The following CLCN4 variants were observed in gnomAD, a reference collection of about 807,000 sequenced individuals.
CLCN4 encodes the protein Cl-/H+ antiporter 4, also known as H(+)/Cl(-) exchange transporter 4.
In CLCN4, 1 loss-of-function variant was observed where a neutral mutation model predicts 41.7. That is an observed-to-expected ratio of 0.02 (90% CI 0.01 to 0.11). The LOEUF (loss-of-function observed/expected upper bound fraction) is 0.11. Among genes scored for constraint, CLCN4 ranks in the 10% least tolerant of loss-of-function variants. The pLI, the probability that CLCN4 is intolerant of heterozygous loss-of-function variation, is 1.00. For synonymous variants in CLCN4, 277 were observed against 285.8 expected, an observed-to-expected ratio of 0.97 and a Z score of 0.31; for missense variants, 287 against 661.0, an observed-to-expected ratio of 0.43 and a Z score of 6.20.
At chrX:10,201,636 A>T (rs1228333689) in intron 6 of CLCN4, among the ~76,000 whole-genome samples, 1 of 112,420 alleles carries the variant, frequency 8.9e-6, no homozygotes, top group African/African-American at 3.2e-5. Flanking sequence ...TTTGGAAAAC[A>T]TGTTTATCAT....
intron 2 of CLCN4, among the ~76,000 whole-genome samples, chrX:10,162,307 C>G (rs1923130999): frequency 9.0e-6 from 1 of 111,480 alleles, no homozygotes; most frequent in South Asian, 3.8e-4. Context: ...GCATGAGCCA[C>G]CACGCCTGGC....
At chrX:10,203,532 G>C (rs1804720523) in intron 6 of CLCN4, among the ~76,000 whole-genome samples, 3 of 111,856 alleles carry the variant, frequency 2.7e-5, no homozygotes, top group African/African-American at 9.8e-5. Flanking sequence ...AATCGCCCAA[G>C]GTGACATGAT....
At chrX:10,226,604 C>A (rs1924995822) in intron 12 of CLCN4, among the ~76,000 whole-genome samples, 1 of 110,767 alleles carries the variant, frequency 9.0e-6, no homozygotes, top group African/African-American at 3.3e-5. Flanking sequence ...ACAAACCCAA[C>A]AAATCCAGGA....
chrX:10,163,117 A>G (rs1923149192), intron 2 of CLCN4, among the ~76,000 whole-genome samples: 1 of 113,718 alleles, frequency 8.8e-6, no homozygotes, highest in Non-Finnish European at 1.9e-5. Flanking sequence ...CCCCCATCAC[A>G]TGGGCCAGAG....
intron 6 of CLCN4, among the ~76,000 whole-genome samples, chrX:10,200,081 C>T (rs995577303): frequency 8.9e-5 from 10 of 111,958 alleles, no homozygotes; most frequent in Admixed American, 4.7e-4. Flanking sequence ...TATATAGAGA[C>T]GAGGTCTCAC....
chrX:10,197,105 A>G (rs1924115262), intron 5 of CLCN4, among the ~76,000 whole-genome samples: 1 of 112,011 alleles, frequency 8.9e-6, no homozygotes. Context: ...TAAGTAATCC[A>G]GATGGTGGCA....
At chrX:10,216,912 T>TACAC (rs1217273260) in intron 11 of CLCN4, among the ~76,000 whole-genome samples, 26 of 19,772 alleles carry the variant, frequency 1.3e-3, no homozygotes, top group African/African-American at 4.7e-3. Flanking sequence ...TATATATATA[T>TACAC]ATATATACAC....
At chrX:10,157,196 T>TCACC in intron 1 of CLCN4, 96 bp downstream of exon 1, 2 of 285,160 alleles carry the variant, frequency 7.0e-6, no homozygotes, top group Non-Finnish European at 1.2e-5. Context: ...GTGTTGAAAA[T>TCACC]AATTGATCGC....
intron 6 of CLCN4, among the ~76,000 whole-genome samples, chrX:10,202,200 G>A (rs1184097490): frequency 1.4e-4 from 15 of 110,831 alleles, no homozygotes; most frequent in Admixed American, 2.9e-4. Context: ...GCGGCAGAGT[G>A]TGGTGGCTCA....
intron 11 of CLCN4, among the ~76,000 whole-genome samples, chrX:10,216,918 T>TACACACACACACACAC (rs1555977626): frequency 1.3e-4 from 5 of 38,931 alleles, no homozygotes; most frequent in African/African-American, 4.4e-4. Flanking sequence ...TATATATATA[T>TACACACACACACACAC]ACACACACAC....
At chrX:10,216,654 T>C (rs1331260214) in intron 11 of CLCN4, among the ~76,000 whole-genome samples, 1 of 108,631 alleles carries the variant, frequency 9.2e-6, no homozygotes, top group African/African-American at 3.3e-5. Context: ...GTTTTTGCCG[T>C]TACTTTCAAT....
chrX:10,180,640 G>A (rs6640616), intron 2 of CLCN4, among the ~76,000 whole-genome samples: 15,412 of 108,799 alleles, frequency 0.14, 1,640 homozygotes, highest in East Asian at 0.83. Context: ...GGTGGTGCAT[G>A]CCTGTAATCC....
Position 10,214,059 on chromosome X carries a change from G to A in CLCN4, c.1955G>A (p.Arg652Lys). Residue 652 changes from arginine (R) to lysine (K), a missense_variant, in exon 11 of 13, where the codon AGG (arginine) becomes AAG (lysine). By Grantham distance (26) the Arg-to-Lys change is conservative (BLOSUM62 2). Transcript: ENST00000380833. ...CGCCTCATTGGATTTGCCCAGAGGAGGGAACTGATTCTCGCAATAAGTGAG... is the reference window on the plus strand; with the variant it reads ...CGCCTCATTGGATTTGCCCAGAGGAAGGAACTGATTCTCGCAATAAGTGAG... ...SERLIGFAQRRELILAIKNAR... is the reference protein window; with the variant it reads ...SERLIGFAQRKELILAIKNAR... The A allele has an allele frequency of 5.1e-6, 6 of 1,176,200 alleles. No individual in the cohort carries two copies. The highest frequency in any genetic ancestry group is 6.8e-6 in the Non-Finnish European group (6 of 878,658).
Position 10,213,986 on chromosome X carries a change from G to C in CLCN4, c.1882G>C (p.Glu628Gln), listed in dbSNP as rs754485057. The change falls in exon 11 of 13, where the codon GAG becomes CAG. Residue 628 changes from glutamate to glutamine, a missense_variant. Coordinates refer to ENST00000380833, the MANE Select transcript of CLCN4 (RefSeq NM_001830.4). ...CGAGGACGTGGAGACGCTCATCAAG[G>C]AGACCGACTACAACGGCTTCCCCGT... is the stretch of plus-strand genomic sequence containing the variant. ...TVEDVETLIK[E>Q]TDYNGFPVVV... 2 of 1,210,123 alleles carry C rather than the reference G, an allele frequency of 1.7e-6. No individual in the cohort carries two copies. Among genetic ancestry groups the C allele is most frequent in the Non-Finnish European group, 2.2e-6 (2 of 894,892 alleles).
intron 2 of CLCN4, among the ~76,000 whole-genome samples, chrX:10,166,671 T>G (rs1265531769): frequency 1.8e-5 from 2 of 112,197 alleles, no homozygotes; most frequent in Non-Finnish European, 3.8e-5. Context: ...GAGGCGGTAC[T>G]TCATACACGG....
At chrX:10,231,301 T>C (rs1166255835) in intron 12 of CLCN4, among the ~76,000 whole-genome samples, 1 of 112,062 alleles carries the variant, frequency 8.9e-6, no homozygotes, top group Non-Finnish European at 1.9e-5. Context: ...CAATTATGAA[T>C]GAAGCAGACG....
At chrX:10,171,490 C>G (rs1923385138) in intron 2 of CLCN4, among the ~76,000 whole-genome samples, 1 of 110,923 alleles carries the variant, frequency 9.0e-6, no homozygotes, top group Non-Finnish European at 1.9e-5. Flanking sequence ...GGAAGTGAGA[C>G]CAGGAAAGGA....
intron 4 of CLCN4, among the ~76,000 whole-genome samples, chrX:10,191,720 T>G (rs1169609578): frequency 2.3e-5 from 2 of 86,138 alleles, no homozygotes; most frequent in Admixed American, 1.3e-4. Context: ...TTTTTTTTTT[T>G]GTAGAGACAG....
rs566304465 is a variant in CLCN4 at position 10,178,169 on chromosome X, G to T, written c.-11-6853G>T. On this transcript the variant is annotated intron_variant, in intron 2 of 12. Coordinates refer to ENST00000380833, the MANE Select transcript of CLCN4 (RefSeq NM_001830.4). The stretch of plus-strand genomic sequence containing the variant: ...GGAAGTGATTGCTAATGGGTAGGGG[G>T]TCATTTTTAGGGGGGTGAAAATGTT... Among the ~76,000 whole-genome samples, 6 of 103,558 alleles carry T rather than the reference G, an allele frequency of 5.8e-5. No homozygotes were observed. The South Asian group carries it at 2.7e-3, about 46-fold the overall frequency. 89.9% of individuals were successfully genotyped at this position (103,558 alleles called of 115,157 possible).
Sources: gnomAD v4.1 joint callset for allele counts (sites outside exome capture counted in the v4.1 genomes callset) on GRCh38, gnomAD v4.1.1 for gene constraint, MANE v1.5 for transcripts, NCBI Gene and HGNC (gene_info 2026-07-23, HGNC 2026-07-21) for gene names.